GRHPR: variants seen among roughly 807,000 people sequenced by gnomAD.
GRHPR encodes glyoxylate reductase/hydroxypyruvate reductase.
GRHPR carries 35 observed loss-of-function variants against 36.8 expected under a neutral mutation model. That is an observed-to-expected ratio of 0.95 (90% CI 0.73 to 1.26). The LOEUF is 1.26. GRHPR is among the 50% of genes most tolerant of loss of function. The pLI, the probability that GRHPR is intolerant of heterozygous loss-of-function variation, is 0.00. For missense variants in GRHPR, 380 were observed against 435.0 expected, an observed-to-expected ratio of 0.87 and a Z score of 1.12; for synonymous variants, 179 against 181.0, an observed-to-expected ratio of 0.99 and a Z score of 0.09.
In GRHPR at chr9:37,426,364, G is replaced by A. The variant is rs929703871; in HGVS notation, c.288-174G>A. On this transcript the variant is annotated intron_variant, in intron 3 of 8. Coordinates refer to ENST00000318158, the MANE Select transcript of GRHPR (RefSeq NM_012203.2). Reference sequence around the variant, plus strand: ...CCATCTTCATATCCTTCCAAAGTGGGAGATAATCTAAATAGGAATGAGGAC... The same window carrying A: ...CCATCTTCATATCCTTCCAAAGTGGAAGATAATCTAAATAGGAATGAGGAC... The A allele has an allele frequency of 8.7e-6, 6 of 693,642 alleles. No individual in the cohort carries two copies. In the Admixed American group the frequency reaches 1.2e-4, roughly 14 times the overall value. The allele number at this position is 693,642 out of a possible 1,614,324, so 43.0% of individuals were successfully genotyped here.
Position 37,436,961 on chromosome 9 carries a change from G to A in GRHPR, c.*179G>A. On this transcript the variant is annotated 3_prime_UTR_variant, in exon 9 of 9. Transcript: ENST00000318158. ...TGGACACATTTGCGCCAAAAGTATG[G>A]TAATTCTATTATTAAATAATTCTCT... 1 of 648,988 alleles carries A rather than the reference G, an allele frequency of 1.5e-6. No homozygotes were observed. The allele number at this position is 648,988 out of a possible 1,614,324, so 40.2% of individuals were successfully genotyped here.
In GRHPR at chr9:37,429,726, C is replaced by T. The variant is rs1321437513; in HGVS notation, c.494-6C>T. On this transcript the variant is annotated splice_region_variant and splice_polypyrimidine_tract_variant and intron_variant, in intron 5 of 8. Coordinates refer to ENST00000318158, the MANE Select transcript of GRHPR (RefSeq NM_012203.2). ...GGGAACGAGACATGGACTCTCCTTG[C>T]TCTAGGCCAGGCCATTGCTCGGCGT... 6.3e-7 allele frequency: 1 copy of T among 1,596,006 alleles called. No homozygotes were observed. The highest frequency in any genetic ancestry group is 1.7e-5 in the Admixed American group (1 of 60,012).
chr9:37,426,715 C>T (rs1378256216), intron 4 of GRHPR, 61 bp downstream of exon 4: 6 of 929,820 alleles, frequency 6.5e-6, no homozygotes, highest in African/African-American at 1.6e-5. Context: ...TTTGGGAGGC[C>T]AAAGTGAGCG....
In GRHPR at chr9:37,429,715, G is replaced by GGA; in HGVS notation, c.494-17_494-16insGA. The GGA allele has an allele frequency of 6.5e-7, 1 of 1,549,492 alleles. No homozygotes were observed. The highest frequency in any genetic ancestry group is 1.7e-4 in the Middle Eastern group (1 of 5,940). On this transcript the variant is annotated splice_polypyrimidine_tract_variant and intron_variant, in intron 5 of 8. Transcript: ENST00000318158. ...TTTGCGGGACTGGGAACGAGACATG[G>GGA]ACTCTCCTTGCTCTAGGCCAGGCCA...
intron 1 of GRHPR, 78 bp from the exon 2 acceptor site, chr9:37,424,767 G>A: frequency 1.3e-6 from 2 of 1,555,988 alleles, no homozygotes; most frequent in South Asian, 2.3e-5. Context: ...GGCCATCAGA[G>A]GCCAGGATTC....
chr9:37,438,444 T>C (rs1823769425), downstream of GRHPR: 1 of 152,484 alleles, frequency 6.6e-6, no homozygotes, highest in Non-Finnish European at 1.5e-5. Context: ...GACTAAGAGG[T>C]AGATGAGAGA....
At chr9:37,433,967 C>T in intron 8 of GRHPR, 2 of 383,740 alleles carry the variant, frequency 5.2e-6, no homozygotes, top group Non-Finnish European at 4.6e-6. Flanking sequence ...TCCCCCACCC[C>T]AGCCTGCAAG....
At chr9:37,430,145 TTCAC>T in intron 6 of GRHPR, 1 of 528,658 alleles carries the variant, frequency 1.9e-6, no homozygotes, top group Non-Finnish European at 3.4e-6. Context: ...GCTGGGCACT[TTCAC>T]TGTCTTTTCC....
chr9:37,437,742 C>T (rs967668387), downstream of GRHPR, among the ~76,000 whole-genome samples: 5 of 151,462 alleles, frequency 3.3e-5, no homozygotes, highest in African/African-American at 1.2e-4. Context: ...CAGGCCACAG[C>T]ACTGCCATTG....
At chr9:37,429,683 C>T (rs779954374) in intron 5 of GRHPR, 49 bp from the exon 6 acceptor site, 7 of 1,209,538 alleles carry the variant, frequency 5.8e-6, no homozygotes, top group South Asian at 4.8e-5. Context: ...GGGTGGTGTC[C>T]CTACCCTTTG....
chr9:37,433,802 T>C (rs1823497346), intron 8 of GRHPR: 1 of 362,286 alleles, frequency 2.8e-6, no homozygotes, highest in South Asian at 1.5e-4. Flanking sequence ...GTGGAGTTTA[T>C]GCCTCCAGAC....
At chr9:37,436,552 A>C in intron 8 of GRHPR, 109 bp from the exon 9 acceptor site, 6 of 1,107,908 alleles carry the variant, frequency 5.4e-6, no homozygotes, top group Non-Finnish European at 8.2e-6. Context: ...ACCATGAGGT[A>C]GTCTCTCTTT....
chr9:37,422,640 C>T (rs539015732), upstream of GRHPR: 4 of 873,676 alleles, frequency 4.6e-6, no homozygotes, highest in African/African-American at 5.0e-5. Context: ...CCCCTGCGCA[C>T]GCCGCGCGCG....
At chr9:37,426,078 C>T in intron 3 of GRHPR, 84 bp downstream of exon 3, 1 of 936,540 alleles carries the variant, frequency 1.1e-6, no homozygotes, top group East Asian at 2.4e-5. Flanking sequence ...GTTTTTACTG[C>T]ATATCCCTCG....
intron 6 of GRHPR, chr9:37,430,118 G>T: frequency 1.8e-6 from 1 of 545,120 alleles, no homozygotes. Flanking sequence ...CGGGGATGGT[G>T]GTGGGTGTGA....
At chr9:37,436,575 G>A (rs932159326) in intron 8 of GRHPR, 86 bp from the exon 9 acceptor site, 9 of 1,469,894 alleles carry the variant, frequency 6.1e-6, no homozygotes, top group East Asian at 4.5e-5. Flanking sequence ...TCTTCTTACC[G>A]GCAAACCCAA....
intron 3 of GRHPR, 106 bp from the exon 4 acceptor site, chr9:37,426,432 C>T: frequency 1.2e-6 from 1 of 825,236 alleles, no homozygotes; most frequent in South Asian, 1.3e-5. Context: ...AGCTTCCTGG[C>T]AGGCAGATCA....
intron 8 of GRHPR, among the ~76,000 whole-genome samples, chr9:37,432,988 C>G (rs991303232): frequency 2.6e-5 from 4 of 152,242 alleles, no homozygotes; most frequent in Non-Finnish European, 5.9e-5. Context: ...GCCCTCCCTT[C>G]CTGTCTTTGG....
At chr9:37,430,085 A>G (rs777976559) in intron 6 of GRHPR, 20 of 570,860 alleles carry the variant, frequency 3.5e-5, no homozygotes, top group South Asian at 3.9e-5. Context: ...CTTTGTTACC[A>G]TTCCCCATTG....
Sources: allele counts gnomAD v4.1 joint callset (sites outside exome capture counted in the v4.1 genomes callset), GRCh38; gene constraint gnomAD v4.1.1; transcripts MANE v1.5; gene names NCBI Gene and HGNC (gene_info 2026-07-23, HGNC 2026-07-21).